Variants in PTGFR observed in about 807,000 individuals in gnomAD.
PTGFR encodes prostaglandin F receptor.
A neutral mutation model predicts 26.2 loss-of-function variants in PTGFR; 15 were observed. That is an observed-to-expected ratio of 0.57 (90% CI 0.38 to 0.88). The LOEUF is 0.88. Among genes scored for constraint, PTGFR ranks in the 40% least tolerant of loss-of-function variants. PTGFR has a pLI of 0.00. For synonymous variants in PTGFR, 165 were observed against 151.1 expected, an observed-to-expected ratio of 1.09 and a Z score of -0.68; for missense variants, 369 against 427.2, an observed-to-expected ratio of 0.86 and a Z score of 1.20.
intron 2 of PTGFR, among the ~76,000 whole-genome samples, chr1:78,518,638 G>A (rs935059473): frequency 6.7e-6 from 1 of 149,474 alleles, no homozygotes; most frequent in Admixed American, 6.7e-5. Flanking sequence ...TTATAGCAGA[G>A]CATGTATTGC....
rs777292462 is a variant in PTGFR at position 78,492,791 on chromosome 1, T to C, written c.48T>C (p.Leu16=). The change falls in exon 2 of 3, where the codon CTT becomes CTC. Residue 16 remains leucine (L), a synonymous_variant. Coordinates refer to ENST00000370757, the MANE Select transcript of PTGFR (RefSeq NM_000959.4). ...AGCTAGTGTCTCCTGCAGCTGCGCT[T>C]CTTTCAAACACAACCTGCCAGACGG... ...SKQLVSPAAA[L]LSNTTCQTEN... is the part of the protein sequence containing the mutation. 6.2e-7 allele frequency: 1 copy of C among 1,614,218 alleles called. No individual in the cohort carries two copies. Among genetic ancestry groups the C allele is most frequent in the South Asian group, 1.1e-5 (1 of 91,086 alleles).
At chr1:78,492,214 C>G (rs982409515) in intron 1 of PTGFR, among the ~76,000 whole-genome samples, 2 of 152,224 alleles carry the variant, frequency 1.3e-5, no homozygotes, top group African/African-American at 4.8e-5. Context: ...GTCTGCCTGA[C>G]AAGCAGGTCG....
intron 2 of PTGFR, chr1:78,532,486 A>ATATATGTGTATATATTTGTGTGTG (rs1650541427): frequency 7.4e-6 from 1 of 135,154 alleles, no homozygotes; most frequent in Non-Finnish European, 1.5e-5. Flanking sequence ...ATATGTGTGT[A>ATATATGTGTATATATTTGTGTGTG]TATATGTGTA....
rs1367208599 is a variant in PTGFR at position 78,492,844 on chromosome 1, T to C, written c.101T>C (p.Val34Ala). 8 of 1,614,104 alleles carry C rather than the reference T, an allele frequency of 5.0e-6. No homozygotes were observed. The Admixed American group carries it at 5.0e-5, about 10-fold the overall frequency. The change falls in exon 2 of 3, where the codon GTA (valine) becomes GCA (alanine). Residue 34 changes from valine to alanine, a missense_variant. Val to Ala is a moderately conservative substitution (Grantham distance 64). Coordinates refer to ENST00000370757, the MANE Select transcript of PTGFR (RefSeq NM_000959.4). ...AACCGGCTTTCCGTATTTTTTTCAG[T>C]AATCTTCATGACAGTGGGAATCTTG... is the stretch of plus-strand genomic sequence containing the variant. ...TENRLSVFFS[V>A]IFMTVGILSN... is the part of the protein sequence containing the mutation.
intron 2 of PTGFR, among the ~76,000 whole-genome samples, chr1:78,518,722 T>TA (rs1044638635): frequency 2.6e-5 from 4 of 152,020 alleles, no homozygotes; most frequent in Non-Finnish European, 4.4e-5. Flanking sequence ...ATTCTGGAAT[T>TA]AAAAAAATTT....
At chr1:78,516,314 C>T (rs1295778005) in intron 2 of PTGFR, among the ~76,000 whole-genome samples, 2 of 152,102 alleles carry the variant, frequency 1.3e-5, no homozygotes, top group Non-Finnish European at 2.9e-5. Context: ...AACAGTTGCA[C>T]AACATTACTG....
At chr1:78,494,659 A>G (rs1830673) in intron 2 of PTGFR, among the ~76,000 whole-genome samples, 115,290 of 152,180 alleles carry the variant, frequency 0.76, 44,179 homozygotes, top group African/African-American at 0.88. Flanking sequence ...AGGCTGGAGT[A>G]CAGTGGTGCG....
At chr1:78,519,977 C>A (rs1204363766) in intron 2 of PTGFR, among the ~76,000 whole-genome samples, 5 of 152,040 alleles carry the variant, frequency 3.3e-5, no homozygotes, top group Admixed American at 1.3e-4. Flanking sequence ...ATCTTTTCTT[C>A]ACACTGATTT....
chr1:78,515,396 T>C (rs1218024496), intron 2 of PTGFR, among the ~76,000 whole-genome samples: 1 of 152,202 alleles, frequency 6.6e-6, no homozygotes, highest in Non-Finnish European at 1.5e-5. Context: ...GACTCAAATA[T>C]GAATACTGGT....
chr1:78,493,261 G>A lies in PTGFR; in HGVS notation c.518G>A (p.Gly173Glu). ...TTCATAGCTTTGCTGCCCATCCTTG[G>A]ACATCGAGACTATAAAATTCAGGCG... The part of the protein sequence containing the change: ...AVFIALLPIL[G>E]HRDYKIQASR... Residue 173 changes from glycine to glutamate, a missense_variant, in exon 2 of 3, where the codon GGA (glycine) becomes GAA (glutamate). Transcript: ENST00000370757. The A allele has an allele frequency of 6.2e-7, 1 of 1,614,058 alleles. No individual in the cohort carries two copies. The highest frequency in any genetic ancestry group is 8.5e-7 in the Non-Finnish European group (1 of 1,179,986).
intron 2 of PTGFR, among the ~76,000 whole-genome samples, chr1:78,535,010 G>C (rs1001247175): frequency 6.6e-6 from 1 of 152,186 alleles, no homozygotes; most frequent in South Asian, 2.1e-4. Flanking sequence ...GCTGGGGTTA[G>C]GGGTTAAAGG....
chr1:78,533,384 T>C (rs1650568156), intron 2 of PTGFR, among the ~76,000 whole-genome samples: 1 of 152,170 alleles, frequency 6.6e-6, no homozygotes. Context: ...TTCCACTTTG[T>C]ATGGAAGTCT....
chr1:78,494,778 G>T (rs1649504427), intron 2 of PTGFR, among the ~76,000 whole-genome samples: 1 of 152,110 alleles, frequency 6.6e-6, no homozygotes, highest in East Asian at 1.9e-4. Context: ...GCTAATTTTT[G>T]TATTTTTAGT....
In PTGFR at chr1:78,501,117, T is replaced by G. The variant is rs371985389; in HGVS notation, c.798+7576T>G. ...TAAGTGTAAACGAATCAGAAACATG[T>G]GTATTAAATTTATACCCTCAAGGAT... is the stretch of plus-strand genomic sequence containing the variant. On this transcript the variant is annotated intron_variant, in intron 2 of 2. Coordinates refer to ENST00000370757, the MANE Select transcript of PTGFR (RefSeq NM_000959.4). Among the ~76,000 whole-genome samples, 892 of 152,202 alleles carry G rather than the reference T, an allele frequency of 5.9e-3. 7 individuals are homozygous for G. The highest frequency in any genetic ancestry group is 0.021 in the African/African-American group (853 of 41,538).
At chr1:78,517,998 G>A (rs1650132725) in intron 2 of PTGFR, among the ~76,000 whole-genome samples, 1 of 152,090 alleles carries the variant, frequency 6.6e-6, no homozygotes, top group Non-Finnish European at 1.5e-5. Context: ...AGATTAGTTT[G>A]TAAATAACAA....
intron 2 of PTGFR, among the ~76,000 whole-genome samples, chr1:78,532,624 G>T (rs1193238633): frequency 6.6e-6 from 1 of 150,864 alleles, no homozygotes; most frequent in African/African-American, 2.4e-5. Flanking sequence ...GGAATGCAGT[G>T]GTGTGTGATC....
intron 2 of PTGFR, among the ~76,000 whole-genome samples, chr1:78,520,702 T>C (rs1396864764): frequency 6.6e-6 from 1 of 152,120 alleles, no homozygotes; most frequent in Non-Finnish European, 1.5e-5. Context: ...ATACAGAGCA[T>C]GTCTTTATTG....
intron 2 of PTGFR, among the ~76,000 whole-genome samples, chr1:78,507,754 T>C (rs1178934977): frequency 6.6e-6 from 1 of 152,206 alleles, no homozygotes; most frequent in East Asian, 1.9e-4. Flanking sequence ...CATTCTAATG[T>C]TTGGTATTTT....
chr1:78,492,174 G>T (rs3766353), intron 1 of PTGFR, among the ~76,000 whole-genome samples: 6,541 of 152,220 alleles, frequency 0.043, 431 homozygotes, highest in East Asian at 0.34. Context: ...TGAACTTGCT[G>T]GTCCCCTTCC....
Sources: allele counts gnomAD v4.1 joint callset (sites outside exome capture counted in the v4.1 genomes callset), GRCh38; gene constraint gnomAD v4.1.1; transcripts MANE v1.5; gene names NCBI Gene and HGNC (gene_info 2026-07-23, HGNC 2026-07-21).